The following RNASEH2B variants were observed in gnomAD, a reference collection of about 807,000 sequenced individuals.
RNASEH2B encodes Aicardi-Goutieres syndrome 2 protein.
Under a neutral mutation model 45.0 loss-of-function variants are expected in RNASEH2B, and 36 were observed. That is an observed-to-expected ratio of 0.80 (90% CI 0.61 to 1.06). The LOEUF (loss-of-function observed/expected upper bound fraction) is 1.06, where lower values mean the gene tolerates loss of function less well. RNASEH2B is among the 50% of genes least tolerant of loss of function. The pLI is 0.00. For synonymous variants in RNASEH2B, 119 were observed against 125.7 expected (o/e 0.95, Z 0.35); for missense variants, 361 against 360.3 (o/e 1.00, Z -0.02).
chr13:50,956,725 G>A lies in RNASEH2B; in HGVS notation c.*251G>A. 1 of 1,213,116 alleles carries A rather than the reference G, an allele frequency of 8.2e-7. No individual in the cohort carries two copies. Among genetic ancestry groups the A allele is most frequent in the Non-Finnish European group, 1.0e-6 (1 of 961,844 alleles). The allele number at this position is 1,213,116 out of a possible 1,614,324, so 75.1% of individuals were successfully genotyped here. ...ATCACTTGAAGAGAATTAACATATA[G>A]CATCATGATTTTCTCAATAAACTGA... On this transcript the variant is annotated 3_prime_UTR_variant, in exon 11 of 11. Coordinates refer to ENST00000336617, the MANE Select transcript of RNASEH2B (RefSeq NM_024570.4).
downstream of RNASEH2B, chr13:50,960,310 A>C: frequency 2.9e-6 from 1 of 348,904 alleles, no homozygotes; most frequent in Non-Finnish European, 5.1e-6. Context: ...AATTGCATGC[A>C]ATTCTTTCTA....
intron 5 of RNASEH2B, chr13:50,935,405 A>C (rs149990506): frequency 3.2e-4 from 82 of 256,650 alleles, no homozygotes; most frequent in African/African-American, 1.5e-3. Flanking sequence ...CATTAGTGCT[A>C]AGCTCTAGAT....
At chr13:50,926,758 A>G (rs61962196) in intron 1 of RNASEH2B, among the ~76,000 whole-genome samples, 93 of 152,198 alleles carry the variant, frequency 6.1e-4, no homozygotes, top group South Asian at 1.5e-3. Flanking sequence ...TATGTCTTTT[A>G]TATGGCAAAA....
At chr13:50,938,177 A>G (rs1451334883) in intron 5 of RNASEH2B, 2 of 152,258 alleles carry the variant, frequency 1.3e-5, no homozygotes, top group Non-Finnish European at 2.9e-5. Context: ...TTATACTACC[A>G]TTAAAAATAA....
At chr13:50,932,348 T>G (rs1323851451) in intron 4 of RNASEH2B, among the ~76,000 whole-genome samples, 3 of 152,218 alleles carry the variant, frequency 2.0e-5, no homozygotes, top group Non-Finnish European at 4.4e-5. Context: ...CTCACTTTCA[T>G]CACAGATAAT....
chr13:50,933,291 A>G (rs1326810241), intron 4 of RNASEH2B, among the ~76,000 whole-genome samples: 1 of 152,166 alleles, frequency 6.6e-6, no homozygotes, highest in Non-Finnish European at 1.5e-5. Context: ...TGGGGGATTA[A>G]CCCTGTCTTG....
intron 1 of RNASEH2B, among the ~76,000 whole-genome samples, chr13:50,916,589 T>C (rs1329111935): frequency 2.0e-5 from 3 of 152,322 alleles, no homozygotes; most frequent in Non-Finnish European, 2.9e-5. Flanking sequence ...GAGGTAAAGA[T>C]ACATTTACAG....
chr13:50,913,266 C>T (rs1037286354), intron 1 of RNASEH2B: 6 of 152,110 alleles, frequency 3.9e-5, no homozygotes, highest in Non-Finnish European at 8.8e-5. Flanking sequence ...AGTTTCCATC[C>T]CTCTTTTTCT....
chr13:50,963,291 A>G (rs1952130113), intron 9 of RNASEH2B, among the ~76,000 whole-genome samples: 1 of 152,108 alleles, frequency 6.6e-6, no homozygotes, highest in South Asian at 2.1e-4. Flanking sequence ...CAGCCTCCCA[A>G]GTAGCTGGGA....
In RNASEH2B at chr13:50,909,928, A is replaced by C; in HGVS notation, c.-149A>C. On this transcript the variant is annotated 5_prime_UTR_variant, in exon 1 of 11. Transcript: ENST00000336617. ...AGGCTGGTCTCGGAAACGAAACGAA[A>C]TTCGGTCCCTGGGCCTCCTCCCGGG... The C allele has an allele frequency of 1.8e-6, 1 of 554,498 alleles. No homozygotes were observed. Among genetic ancestry groups the C allele is most frequent in the Non-Finnish European group, 3.0e-6 (1 of 333,872 alleles). The allele number at this position is 554,498 out of a possible 1,614,324, so 34.3% of individuals were successfully genotyped here. A position where few individuals can be genotyped will look rare whatever the true frequency, so the allele number is the denominator to read the frequency against.
intron 1 of RNASEH2B, 109 bp from the exon 2 acceptor site, chr13:50,927,298 A>C: frequency 1.4e-6 from 1 of 721,086 alleles, no homozygotes; most frequent in Non-Finnish European, 2.5e-6. Flanking sequence ...AATTGAGTTA[A>C]AAATCTTACA....
chr13:50,970,032 CTTT>C, exon 10 of RNASEH2B: 1 of 1,471,934 alleles, frequency 6.8e-7, no homozygotes, highest in Non-Finnish European at 9.3e-7. Flanking sequence ...AGGACTCGGA[CTTT>C]TTCTTCTGCA....
chr13:50,928,932 CT>C (rs35147830), intron 2 of RNASEH2B, among the ~76,000 whole-genome samples: 4,045 of 87,894 alleles, frequency 0.046, 38 homozygotes, highest in African/African-American at 0.065. Flanking sequence ...TGCCTCCTCC[CT>C]TTTTTTTTTT....
chr13:50,912,259 C>T (rs1879457149), intron 1 of RNASEH2B: 2 of 152,268 alleles, frequency 1.3e-5, no homozygotes, highest in African/African-American at 2.4e-5. Flanking sequence ...GACTGCAGTG[C>T]AACACTAGTT....
Position 50,956,720 on chromosome 13 carries a change from A to G in RNASEH2B, c.*246A>G, listed in dbSNP as rs147825612. The G allele has an allele frequency of 3.9e-4, 481 of 1,221,670 alleles. No homozygotes were observed. In the African/African-American group the frequency reaches 5.6e-3, roughly 14 times the overall value. The allele number at this position is 1,221,670 out of a possible 1,614,324, so 75.7% of individuals were successfully genotyped here. ...AAGTAATCACTTGAAGAGAATTAACATATAGCATCATGATTTTCTCAATAA... is the reference window on the plus strand; with the variant it reads ...AAGTAATCACTTGAAGAGAATTAACGTATAGCATCATGATTTTCTCAATAA... On this transcript the variant is annotated 3_prime_UTR_variant, in exon 11 of 11. Transcript: ENST00000336617.
At chr13:50,924,444 T>A (rs1178285931) in intron 1 of RNASEH2B, among the ~76,000 whole-genome samples, 2 of 152,154 alleles carry the variant, frequency 1.3e-5, no homozygotes, top group Non-Finnish European at 2.9e-5. Flanking sequence ...ACTAGACACA[T>A]AACAGTCTAT....
At chr13:50,968,294 G>T (rs1952185790) in intron 9 of RNASEH2B, among the ~76,000 whole-genome samples, 1 of 152,130 alleles carries the variant, frequency 6.6e-6, no homozygotes, top group Non-Finnish European at 1.5e-5. Context: ...TAGCTACTTG[G>T]GAGGCTGAGG....
chr13:50,970,429 A>G (rs1245375819), exon 10 of RNASEH2B: 1 of 233,774 alleles, frequency 4.3e-6, no homozygotes, highest in African/African-American at 2.3e-5. Flanking sequence ...TTATCTCTCC[A>G]GGAGTTATTA....
At chr13:50,969,580 C>T (rs1184562143) in intron 9 of RNASEH2B, among the ~76,000 whole-genome samples, 2 of 150,064 alleles carry the variant, frequency 1.3e-5, no homozygotes, top group African/African-American at 2.4e-5. Context: ...ACGTTACTTT[C>T]GTGCATTTCT....
Sources: gnomAD v4.1 joint callset for allele counts (sites outside exome capture counted in the v4.1 genomes callset) on GRCh38, gnomAD v4.1.1 for gene constraint, MANE v1.5 for transcripts, NCBI Gene and HGNC (gene_info 2026-07-23, HGNC 2026-07-21) for gene names.